FREM2: variants seen among roughly 807,000 people sequenced by gnomAD.
FREM2 encodes FRAS1-related extracellular matrix protein 2.
Under a neutral mutation model 219.9 loss-of-function variants are expected in FREM2, and 119 were observed. The observed-to-expected ratio is 0.54, with a 90% confidence interval of 0.47 to 0.63. FREM2 has a LOEUF of 0.63. FREM2 is among the 30% of genes least tolerant of loss of function. The probability of loss-of-function intolerance (pLI) is 0.00; values close to 1 mark genes in which losing one functional copy is unlikely to be tolerated. For missense variants in FREM2, 4,030 were observed against 3,993.6 expected (o/e 1.01, Z -0.25); for synonymous variants, 1,562 against 1,522.8 (o/e 1.03, Z -0.60).
At chr13:38,859,814 G>A (rs1877699053) in intron 14 of FREM2, among the ~76,000 whole-genome samples, 2 of 151,814 alleles carry the variant, frequency 1.3e-5, no homozygotes, top group South Asian at 2.1e-4. Context: ...GCTTTGTGCT[G>A]GCAATAAAAT....
intron 8 of FREM2, among the ~76,000 whole-genome samples, chr13:38,848,881 G>A (rs541334720): frequency 1.6e-4 from 25 of 152,100 alleles, no homozygotes; most frequent in African/African-American, 2.2e-4. Context: ...TGGCAGGCTC[G>A]CTTCCTTCTG....
At chr13:38,783,423 A>G (rs1874199396) in intron 5 of FREM2, among the ~76,000 whole-genome samples, 2 of 151,244 alleles carry the variant, frequency 1.3e-5, no homozygotes, top group Admixed American at 6.6e-5. Context: ...TTTGGATTGT[A>G]AGGAACTAAA....
intron 3 of FREM2, among the ~76,000 whole-genome samples, chr13:38,769,127 G>A (rs113056930): frequency 0.012 from 1,836 of 152,234 alleles, 41 homozygotes; most frequent in African/African-American, 0.042. Context: ...TAGATTGTGA[G>A]TCAGAGAATT....
At chr13:38,869,897 T>C (rs1196700137) in intron 16 of FREM2, among the ~76,000 whole-genome samples, 1 of 152,210 alleles carries the variant, frequency 6.6e-6, no homozygotes, top group Non-Finnish European at 1.5e-5. Context: ...TCTTTTATTG[T>C]CCTGGCTAGC....
intron 2 of FREM2, among the ~76,000 whole-genome samples, chr13:38,725,305 A>G (rs1158292779): frequency 6.6e-6 from 1 of 152,200 alleles, no homozygotes; most frequent in Non-Finnish European, 1.5e-5. Flanking sequence ...TACATGGGAA[A>G]CAAGTAGTAG....
intron 6 of FREM2, among the ~76,000 whole-genome samples, chr13:38,792,140 A>T (rs923077260): frequency 6.6e-6 from 1 of 152,192 alleles, no homozygotes; most frequent in African/African-American, 2.4e-5. Context: ...TGAGGTCAGG[A>T]GTTTGAGACC....
chr13:38,716,754 C>T (rs551559697), intron 2 of FREM2, among the ~76,000 whole-genome samples: 10 of 152,256 alleles, frequency 6.6e-5, no homozygotes, highest in South Asian at 2.1e-4. Flanking sequence ...GTAATCCTCC[C>T]GCCTCGGCCT....
chr13:38,802,640 G>T (rs1447081045), intron 6 of FREM2, among the ~76,000 whole-genome samples: 1 of 152,206 alleles, frequency 6.6e-6, no homozygotes, highest in Non-Finnish European at 1.5e-5. Flanking sequence ...CATGGTAGCA[G>T]CAGTGGCAGC....
intron 6 of FREM2, among the ~76,000 whole-genome samples, chr13:38,809,110 G>A (rs957859584): frequency 5.3e-5 from 8 of 150,244 alleles, no homozygotes; most frequent in East Asian, 2.0e-4. Flanking sequence ...TTTCTTTGAC[G>A]GATTATCTTA....
intron 6 of FREM2, among the ~76,000 whole-genome samples, chr13:38,797,460 T>C (rs959524026): frequency 1.3e-5 from 2 of 152,182 alleles, no homozygotes; most frequent in Admixed American, 6.6e-5. Context: ...TGTATTTTTT[T>C]AAAAAATTGC....
rs373659779 is a variant in FREM2, at chr13:38,878,363, A to G, written c.8859+42A>G. The G allele has an allele frequency of 2.2e-5, 32 of 1,466,730 alleles. No homozygotes were observed. In the African/African-American group the frequency reaches 4.4e-4, roughly 20 times the overall value. 90.9% of individuals were successfully genotyped at this position (1,466,730 alleles called of 1,614,324 possible). On this transcript the variant is annotated intron_variant, in intron 22 of 23. Transcript: ENST00000280481. ...AAAAAATGAGCTAGATAGATTTTTCAAAGTTCAGCCTCCTTGTCTTATATT... is the reference window on the plus strand; with the variant it reads ...AAAAAATGAGCTAGATAGATTTTTCGAAGTTCAGCCTCCTTGTCTTATATT...
chr13:38,856,816 A>G (rs1360361462), intron 12 of FREM2, among the ~76,000 whole-genome samples: 6 of 151,102 alleles, frequency 4.0e-5, no homozygotes, highest in Non-Finnish European at 7.4e-5. Context: ...ACATAATTCC[A>G]CAGAATGTTG....
intron 6 of FREM2, among the ~76,000 whole-genome samples, chr13:38,804,357 A>G (rs1875138835): frequency 6.6e-6 from 1 of 151,472 alleles, no homozygotes; most frequent in East Asian, 1.9e-4. Context: ...AAATGTAGAT[A>G]TTATAGTCTG....
chr13:38,731,406 G>A (rs973282682), intron 2 of FREM2, among the ~76,000 whole-genome samples: 5 of 152,130 alleles, frequency 3.3e-5, no homozygotes, highest in Non-Finnish European at 5.9e-5. Context: ...TGGCCAAGAA[G>A]CAAGTTTTCT....
intron 2 of FREM2, among the ~76,000 whole-genome samples, chr13:38,730,317 T>C (rs1871713576): frequency 6.6e-6 from 1 of 152,248 alleles, no homozygotes; most frequent in Admixed American, 6.5e-5. Flanking sequence ...ATATTTCTTT[T>C]TGTTTATAAA....
chr13:38,731,230 T>A (rs965063267), intron 2 of FREM2, among the ~76,000 whole-genome samples: 2 of 152,218 alleles, frequency 1.3e-5, no homozygotes, highest in African/African-American at 4.8e-5. Context: ...TCCGATTAAC[T>A]GATTTTATTT....
chr13:38,795,786 C>A (rs757387621), intron 6 of FREM2, among the ~76,000 whole-genome samples: 5 of 152,136 alleles, frequency 3.3e-5, no homozygotes, highest in Non-Finnish European at 7.4e-5. Context: ...TCATTCTATT[C>A]TCTGTCTCAA....
At chr13:38,812,262 C>G (rs1875516117) in intron 6 of FREM2, among the ~76,000 whole-genome samples, 1 of 152,000 alleles carries the variant, frequency 6.6e-6, no homozygotes, top group Non-Finnish European at 1.5e-5. Flanking sequence ...CAGTCTATGT[C>G]TTTTTATTGG....
intron 23 of FREM2, among the ~76,000 whole-genome samples, chr13:38,879,200 T>C (rs1188530884): frequency 6.6e-6 from 1 of 152,252 alleles, no homozygotes; most frequent in African/African-American, 2.4e-5. Flanking sequence ...GTTAGCAATA[T>C]ATCTGGCTTT....
Sources: gnomAD v4.1 joint callset for allele counts (sites outside exome capture counted in the v4.1 genomes callset) on GRCh38, gnomAD v4.1.1 for gene constraint, MANE v1.5 for transcripts, NCBI Gene and HGNC (gene_info 2026-07-23, HGNC 2026-07-21) for gene names.